MYRFL: variants seen among roughly 807,000 people sequenced by gnomAD.
MYRFL encodes the protein myelin regulatory factor-like protein.
In MYRFL, 88 loss-of-function variants were observed where a neutral mutation model predicts 109.4. The ratio of observed to expected loss-of-function variants is 0.80; its 90% CI spans 0.68 to 0.96. The LOEUF (loss-of-function observed/expected upper bound fraction) is 0.96, where lower values mean the gene tolerates loss of function less well. MYRFL is among the 40% of genes least tolerant of loss of function. The pLI, the probability that MYRFL is intolerant of heterozygous loss-of-function variation, is 0.00. For synonymous variants in MYRFL, 324 were observed against 320.9 expected (o/e 1.01, Z -0.10); for missense variants, 957 against 954.9 (o/e 1.00, Z -0.03).
intron 20 of MYRFL, 80 bp downstream of exon 20, chr12:69,952,255 G>C (rs757689240): frequency 1.1e-5 from 15 of 1,305,158 alleles, no homozygotes; most frequent in Non-Finnish European, 1.5e-5. Flanking sequence ...CATTGCTGGA[G>C]TGAGGAGCAG....
rs1592752157 is a variant in MYRFL, at chr12:69,883,362, A to G, written c.556+3070A>G. ...AAGTATAACTAGCAGGAATGTGTAC[A>G]TATGCCCACCAAAAGACATTCATAA... On this transcript the variant is annotated intron_variant, in intron 5 of 24. Coordinates refer to ENST00000552032, the MANE Select transcript of MYRFL (RefSeq NM_182530.3). 2.6e-5 allele frequency among the ~76,000 whole-genome samples: 4 copies of G among 152,344 alleles called. No homozygotes were observed. In the South Asian group the frequency reaches 8.3e-4, roughly 32 times the overall value.
intron 9 of MYRFL, among the ~76,000 whole-genome samples, chr12:69,896,137 T>C (rs11177940): frequency 0.32 from 48,361 of 152,026 alleles, 7,988 homozygotes; most frequent in African/African-American, 0.37. Flanking sequence ...GATACTGGCA[T>C]TTACTAGGCG....
At chr12:69,840,477 C>G (rs1263186405) in intron 1 of MYRFL, among the ~76,000 whole-genome samples, 1 of 152,172 alleles carries the variant, frequency 6.6e-6, no homozygotes, top group Admixed American at 6.5e-5. Context: ...AAAGCTCCTT[C>G]CAAATGTCTG....
chr12:69,895,349 T>C (rs1953952004), intron 8 of MYRFL, 22 bp from the exon 9 acceptor site: 3 of 1,497,448 alleles, frequency 2.0e-6, no homozygotes, highest in Admixed American at 2.1e-5. Flanking sequence ...TCTTGGTTTT[T>C]TTTTTTTGCT....
intron 2 of MYRFL, among the ~76,000 whole-genome samples, chr12:69,874,424 T>A (rs1298244995): frequency 6.6e-6 from 1 of 152,200 alleles, no homozygotes; most frequent in African/African-American, 2.4e-5. Context: ...GCAACTCTTC[T>A]CCTTCGGCCT....
chr12:69,877,023 C>CTTTTTTTT (rs113649427), intron 2 of MYRFL, among the ~76,000 whole-genome samples: 1 of 128,898 alleles, frequency 7.8e-6, no homozygotes, highest in Admixed American at 7.9e-5. Flanking sequence ...TTCTTTCTTT[C>CTTTTTTTT]TTTTTTTTTT....
intron 14 of MYRFL, among the ~76,000 whole-genome samples, 199 bp downstream of exon 14, chr12:69,926,933 G>GTTTTTTTTTT (rs1491453128): frequency 3.2e-5 from 1 of 31,396 alleles, no homozygotes; most frequent in African/African-American, 1.8e-4. Flanking sequence ...TCTGTTGCTG[G>GTTTTTTTTTT]TTTTTTTTTT....
chr12:69,879,234 C>T lies in MYRFL; in HGVS notation c.245C>T (p.Thr82Ile), dbSNP rs1461949642. 2.8e-6 allele frequency: 2 copies of T among 702,910 alleles called. No individual in the cohort carries two copies. Among genetic ancestry groups the T allele is most frequent in the Non-Finnish European group, 5.2e-6 (2 of 384,842 alleles). 43.5% of individuals were successfully genotyped at this position (702,910 alleles called of 1,614,324 possible). ...ACCCTGAGGCCCACAGCTGGGAGGA[C>T]TCCAGCTCCTTTTCTCCACCCCACA... ...YPTLRPTAGR[T>I]PAPFLHPTAA... is the part of the protein sequence containing the mutation. The change falls in exon 4 of 25, where the codon ACT (threonine) becomes ATT (isoleucine). Residue 82 changes from threonine (T) to isoleucine (I), a missense_variant. Thr to Ile is a moderately conservative substitution (Grantham distance 89). Transcript: ENST00000552032.
intron 19 of MYRFL, among the ~76,000 whole-genome samples, chr12:69,940,246 A>G (rs1955601735): frequency 6.6e-6 from 1 of 151,540 alleles, no homozygotes; most frequent in South Asian, 2.1e-4. Flanking sequence ...AAGACACATA[A>G]TTGTCAGATT....
At chr12:69,840,783 T>C (rs1883202161) in intron 1 of MYRFL, among the ~76,000 whole-genome samples, 1 of 152,236 alleles carries the variant, frequency 6.6e-6, no homozygotes, top group Non-Finnish European at 1.5e-5. Context: ...TTTCTGCTGT[T>C]CTTAGAGTCC....
At position 69,870,672 on chromosome 12, in the gene MYRFL, G is replaced by T. The variant is rs913387410; in HGVS notation, c.138-8356G>T. ...ATTCTCCCTTCAAATTCTCTGAAAA[G>T]AAGTGCAAAATTTCTCTAACTGTAT... is the stretch of plus-strand genomic sequence containing the variant. On this transcript the variant is annotated intron_variant, in intron 2 of 24. Transcript: ENST00000552032. Among the ~76,000 whole-genome samples, 3 of 152,138 alleles carry T rather than the reference G, an allele frequency of 2.0e-5. No homozygotes were observed. The South Asian group carries it at 6.2e-4, about 32-fold the overall frequency.
chr12:69,926,436 G>A, intron 13 of MYRFL, 135 bp from the exon 14 acceptor site: 1 of 660,368 alleles, frequency 1.5e-6, no homozygotes, highest in Non-Finnish European at 2.2e-6. Flanking sequence ...GATTTATCTT[G>A]AATGAACTTG....
At chr12:69,926,778 G>A (rs1566030796) in intron 14 of MYRFL, 44 bp downstream of exon 14, 1 of 1,352,958 alleles carries the variant, frequency 7.4e-7, no homozygotes, top group Non-Finnish European at 9.5e-7. Flanking sequence ...GGAAAGGAGA[G>A]AGTGAGCTCT....
At chr12:69,827,856 C>T (rs933525038) in intron 1 of MYRFL, among the ~76,000 whole-genome samples, 4 of 151,886 alleles carry the variant, frequency 2.6e-5, no homozygotes, top group African/African-American at 9.7e-5. Context: ...GGGTTGAAAA[C>T]AGTTAATATA....
Position 69,848,613 on chromosome 12 carries a change from C to G in MYRFL, c.47-6667C>G, listed in dbSNP as rs145015899. 9.7e-4 allele frequency among the ~76,000 whole-genome samples: 148 copies of G among 151,926 alleles called. 2 individuals are homozygous for G. The East Asian group carries it at 0.025, about 26-fold the overall frequency. On this transcript the variant is annotated intron_variant, in intron 1 of 24. Transcript: ENST00000552032. The stretch of plus-strand genomic sequence containing the variant: ...GTGGTGGTCTCCTTATTGAAGTTGC[C>G]TATTATTTTAAACAAGTTTTAGTTG...
intron 11 of MYRFL, chr12:69,904,137 C>T: frequency 3.4e-6 from 1 of 295,488 alleles, no homozygotes. Flanking sequence ...CATTGCCCTT[C>T]CTTCCATACT....
intron 21 of MYRFL, 53 bp from the exon 22 acceptor site, chr12:69,955,310 G>T: frequency 1.7e-6 from 1 of 577,022 alleles, no homozygotes; most frequent in Non-Finnish European, 3.0e-6. Flanking sequence ...AAAGGCCTTC[G>T]AAGACTTTCC....
intron 15 of MYRFL, 32 bp downstream of exon 15, chr12:69,927,780 G>T (rs1566031923): frequency 2.7e-6 from 4 of 1,495,130 alleles, no homozygotes; most frequent in Non-Finnish European, 3.6e-6. Flanking sequence ...GAAAGGAAAT[G>T]ATGTTTTCTA....
chr12:69,929,036 T>C (rs186733444), intron 15 of MYRFL, among the ~76,000 whole-genome samples: 1 of 152,334 alleles, frequency 6.6e-6, no homozygotes, highest in Admixed American at 6.5e-5. Flanking sequence ...TCTGCCTTCC[T>C]CACTCTCATG....
Sources: gnomAD v4.1 joint callset for allele counts (sites outside exome capture counted in the v4.1 genomes callset) on GRCh38, gnomAD v4.1.1 for gene constraint, MANE v1.5 for transcripts, NCBI Gene and HGNC (gene_info 2026-07-23, HGNC 2026-07-21) for gene names.